COL3A1: variants seen among roughly 807,000 people sequenced by gnomAD.
COL3A1 encodes collagen alpha-1(III) chain.
In COL3A1, 46 loss-of-function variants were observed where a neutral mutation model predicts 200.9. The ratio of observed to expected loss-of-function variants is 0.23; its 90% CI spans 0.18 to 0.29. The LOEUF is 0.29. Ranked by LOEUF, COL3A1 falls within the 10% of genes least tolerant of loss-of-function variation. The probability of loss-of-function intolerance (pLI) is 1.00; values close to 1 mark genes in which losing one functional copy is unlikely to be tolerated. For missense variants in COL3A1, 1,367 were observed against 1,917.6 expected, an observed-to-expected ratio of 0.71 and a Z score of 5.36; for synonymous variants, 650 against 628.0, an observed-to-expected ratio of 1.03 and a Z score of -0.52.
intron 1 of COL3A1, among the ~76,000 whole-genome samples, chr2:188,979,152 C>A (rs1687896068): frequency 6.6e-6 from 1 of 151,896 alleles, no homozygotes; most frequent in African/African-American, 2.4e-5. Flanking sequence ...CCCTTGAATT[C>A]TAGTATTAAG....
chr2:188,994,080 A>C lies in COL3A1; in HGVS notation c.1192A>C (p.Met398Leu). The change falls in exon 17 of 51, where the codon ATG becomes CTG. Residue 398 changes from methionine (M) to leucine (L), a missense_variant and splice_region_variant. Physicochemically the swap from Met to Leu is conservative, Grantham distance 15. Around this residue, in one of 5 missense-constraint regions of COL3A1, gnomAD observed 462 missense variants for 681.4 expected, o/e 0.68. Coordinates refer to ENST00000304636, the MANE Select transcript of COL3A1 (RefSeq NM_000090.4). This position sits in a 1 kb window ranked among gnomAD's most constrained non-coding sequence, Gnocchi z 4.5. ...TGGTAGTCCTGGTGGTAAAGGCGAA[A>C]TGGTAAGCTGTCCCCACTCCTCAGC... is the stretch of plus-strand genomic sequence containing the variant. ...INGSPGGKGE[M>L]GPAGIPGAPG... 6.2e-7 allele frequency: 1 copy of C among 1,614,184 alleles called. No homozygotes were observed. Among genetic ancestry groups the C allele is most frequent in the Non-Finnish European group, 8.5e-7 (1 of 1,180,026 alleles).
rs1688128669 is a variant in COL3A1 at position 188,989,330 on chromosome 2, T to G, written c.637-66T>G. 9.3e-6 allele frequency: 11 copies of G among 1,176,758 alleles called. No homozygotes were observed. In the South Asian group the frequency reaches 1.5e-4, roughly 16 times the overall value. 72.9% of individuals were successfully genotyped at this position (1,176,758 alleles called of 1,614,324 possible). Reference sequence around the variant, plus strand: ...AGGTTCCTTCCAGGAATACATACACTGTGTAATAATAAATTGTAACAGAAA... The same window carrying G: ...AGGTTCCTTCCAGGAATACATACACGGTGTAATAATAAATTGTAACAGAAA... On this transcript the variant is annotated intron_variant, in intron 7 of 50. Transcript: ENST00000304636.
chr2:188,985,622 C>T (rs1688050631), intron 3 of COL3A1, 43 bp from the exon 4 acceptor site: 2 of 1,258,106 alleles, frequency 1.6e-6, no homozygotes, highest in African/African-American at 1.5e-5. Flanking sequence ...TTGTGAATCA[C>T]CAGGATTTTT....
At chr2:188,990,886 A>G in intron 10 of COL3A1, 118 bp from the exon 11 acceptor site, 1 of 971,974 alleles carries the variant, frequency 1.0e-6, no homozygotes, top group Non-Finnish European at 1.6e-6. Context: ...AAATTATTTA[A>G]GCTAATTTTG....
At position 189,012,086 on chromosome 2, in the gene COL3A1, C is replaced by A. The variant is rs1183774638; in HGVS notation, c.*312C>A. 8 of 343,856 alleles carry A rather than the reference C, an allele frequency of 2.3e-5. No homozygotes were observed. The highest frequency in any genetic ancestry group is 3.3e-5 in the Non-Finnish European group (6 of 181,988). The allele number at this position is 343,856 out of a possible 1,614,324, so 21.3% of individuals were successfully genotyped here. ...CTGTGTTATATTCTTTGAATCCTAG[C>A]CCATCTGCAGAGCAATGACTGTGCT... On this transcript the variant is annotated 3_prime_UTR_variant, in exon 51 of 51. Transcript: ENST00000304636.
chr2:189,010,105 A>G, intron 48 of COL3A1, 73 bp from the exon 49 acceptor site: 1 of 1,438,604 alleles, frequency 7.0e-7, no homozygotes, highest in Non-Finnish European at 9.8e-7. Context: ...GAATGCCTTT[A>G]CAGGTAAACA....
At chr2:189,004,986 A>G (rs1167530444) in intron 40 of COL3A1, among the ~76,000 whole-genome samples, 1 of 152,320 alleles carries the variant, frequency 6.6e-6, no homozygotes, top group East Asian at 1.9e-4. Context: ...TATTCTTCAG[A>G]TAGAGACAAA....
At chr2:188,993,503 A>C (rs1159467712) in intron 16 of COL3A1, 44 bp downstream of exon 16, 1 of 1,401,984 alleles carries the variant, frequency 7.1e-7, no homozygotes, top group Non-Finnish European at 9.8e-7. Context: ...TTTCATGCTT[A>C]CTCCATGAAA....
At chr2:189,005,603 C>T in intron 41 of COL3A1, 146 bp downstream of exon 41, 1 of 727,658 alleles carries the variant, frequency 1.4e-6, no homozygotes, top group Non-Finnish European at 2.5e-6. Context: ...TCTTTCATTA[C>T]AATTTAGGAT....
intron 16 of COL3A1, 78 bp from the exon 17 acceptor site, chr2:188,993,960 T>G: frequency 7.2e-7 from 1 of 1,390,816 alleles, no homozygotes; most frequent in Non-Finnish European, 1.0e-6. Context: ...GATACATTTA[T>G]TTTCACACAA....
chr2:189,006,825 A>G (rs1415016357), intron 43 of COL3A1, 112 bp from the exon 44 acceptor site: 3 of 1,078,178 alleles, frequency 2.8e-6, no homozygotes, highest in Non-Finnish European at 4.2e-6. Context: ...CAATAATTGC[A>G]TGCATACTAT....
chr2:188,997,531 G>C (rs1688356712), intron 26 of COL3A1, 142 bp downstream of exon 26: 8 of 1,150,594 alleles, frequency 7.0e-6, no homozygotes, highest in Non-Finnish European at 1.0e-5. Context: ...TAGTTATCTA[G>C]CTAAATGCTA....
intron 1 of COL3A1, among the ~76,000 whole-genome samples, chr2:188,982,383 G>T (rs1422458514): frequency 6.6e-6 from 1 of 151,764 alleles, no homozygotes; most frequent in Admixed American, 6.6e-5. Flanking sequence ...GGAAAGTACT[G>T]TATTTCTAAT....
intron 44 of COL3A1, among the ~76,000 whole-genome samples, chr2:189,007,292 A>G (rs1377091532): frequency 6.6e-6 from 1 of 151,570 alleles, no homozygotes; most frequent in African/African-American, 2.4e-5. Context: ...AAGGATAGAA[A>G]CATCAGTTGT....
In COL3A1 at chr2:188,997,322, G is replaced by C. The variant is rs7579815; in HGVS notation, c.1816-14G>C. The stretch of plus-strand genomic sequence containing the variant: ...CTGTATTATTTCTACTTCCCTAACT[G>C]TTCTTGTTTTTAGGGTCCTCCTGGA... On this transcript the variant is annotated splice_polypyrimidine_tract_variant and intron_variant, in intron 25 of 50. Transcript: ENST00000304636. The C allele has an allele frequency of 0.14, 227,442 of 1,609,684 alleles. 17,440 individuals are homozygous for C. The highest frequency in any genetic ancestry group is 0.22 in the African/African-American group (16,480 of 74,726).
In COL3A1 at chr2:189,002,255, A is replaced by T. The variant is rs371004727; in HGVS notation, c.2392-43A>T. 6.0e-5 allele frequency: 91 copies of T among 1,504,194 alleles called. No individual in the cohort carries two copies. In the Middle Eastern group the frequency reaches 6.8e-4, roughly 11 times the overall value. The allele number at this position is 1,504,194 out of a possible 1,614,324, so 93.2% of individuals were successfully genotyped here. On this transcript the variant is annotated intron_variant, in intron 34 of 50. Coordinates refer to ENST00000304636, the MANE Select transcript of COL3A1 (RefSeq NM_000090.4). ...TGACATTTCCTGCCTAAAGGAGATG[A>T]CGCACACTTCACTGTGACTAAGGAG...
At chr2:188,976,701 T>G (rs1157552503) in intron 1 of COL3A1, among the ~76,000 whole-genome samples, 1 of 152,168 alleles carries the variant, frequency 6.6e-6, no homozygotes, top group African/African-American at 2.4e-5. Flanking sequence ...AGGCATTTTC[T>G]GGATACAAAC....
intron 1 of COL3A1, chr2:188,978,268 C>T (rs997029552): frequency 5.6e-6 from 1 of 177,786 alleles, no homozygotes; most frequent in Non-Finnish European, 1.3e-5. Context: ...TGATTAAATG[C>T]CTCTTAACTA....
At chr2:188,991,610 C>T in intron 12 of COL3A1, 59 bp from the exon 13 acceptor site, 2 of 1,608,884 alleles carry the variant, frequency 1.2e-6, no homozygotes, top group Non-Finnish European at 1.7e-6. Context: ...GCTCCCACCC[C>T]AACTGTTCTT....
Sources: gnomAD v4.1 joint callset for allele counts (sites outside exome capture counted in the v4.1 genomes callset) on GRCh38, gnomAD v4.1.1 for gene constraint, gnomAD v4.1.1 regional missense constraint, Gnocchi (gnomAD v3.1) non-coding constraint, MANE v1.5 for transcripts, NCBI Gene and HGNC (gene_info 2026-07-23, HGNC 2026-07-21) for gene names.